TMEM182: variants seen among roughly 807,000 people sequenced by gnomAD.
The protein encoded by TMEM182 is transmembrane protein 182.
A neutral mutation model predicts 26.8 loss-of-function variants in TMEM182; 20 were observed. The ratio of observed to expected loss-of-function variants is 0.75; its 90% confidence interval spans 0.53 to 1.09. The LOEUF (loss-of-function observed/expected upper bound fraction) is 1.09, where lower values mean the gene tolerates loss of function less well. Among genes scored for constraint, TMEM182 ranks in the 50% least tolerant of loss-of-function variants. The probability of loss-of-function intolerance (pLI) is 0.00; values close to 1 mark genes in which losing one functional copy is unlikely to be tolerated. For missense variants in TMEM182, 277 were observed against 275.5 expected, an observed-to-expected ratio of 1.01 and a Z score of -0.04; for synonymous variants, 109 against 102.2, an observed-to-expected ratio of 1.07 and a Z score of -0.40.
chr2:102,749,518 C>G (rs979525062), intron 1 of TMEM182, among the ~76,000 whole-genome samples: 1 of 152,038 alleles, frequency 6.6e-6, no homozygotes, highest in Admixed American at 6.5e-5. Flanking sequence ...GTGATGGCCA[C>G]GAAACTCTGT....
At chr2:102,740,067 T>G (rs1679500123) in intron 1 of TMEM182, among the ~76,000 whole-genome samples, 3 of 152,192 alleles carry the variant, frequency 2.0e-5, no homozygotes, top group Non-Finnish European at 1.5e-5. Flanking sequence ...TCAAAATAAA[T>G]GAAATATAAC....
chr2:102,763,781 A>T (rs1425237698), intron 2 of TMEM182, among the ~76,000 whole-genome samples: 1 of 152,250 alleles, frequency 6.6e-6, no homozygotes, highest in East Asian at 1.9e-4. Context: ...TAAAGTGTAC[A>T]TATAAAAATT....
chr2:102,834,515 A>G (rs1573580834), intron 3 of TMEM182: 1 of 842,060 alleles, frequency 1.2e-6, no homozygotes, highest in Non-Finnish European at 1.4e-6. Flanking sequence ...TTCAACAGAT[A>G]TAGGTGAGCC....
intron 3 of TMEM182, among the ~76,000 whole-genome samples, chr2:102,828,749 T>G (rs905087020): frequency 1.3e-5 from 2 of 152,188 alleles, no homozygotes; most frequent in South Asian, 4.1e-4. Context: ...GTCGGCTAGA[T>G]GAATGACAGC....
upstream of TMEM182, among the ~76,000 whole-genome samples, chr2:102,761,260 TGTGA>T (rs1229920577): frequency 6.6e-6 from 1 of 151,266 alleles, no homozygotes; most frequent in Non-Finnish European, 1.5e-5. Flanking sequence ...AGGTGGTCTG[TGTGA>T]GTATTAAGTA....
intron 4 of TMEM182, 21 bp downstream of exon 4, chr2:102,798,021 A>G (rs376484401): frequency 7.6e-6 from 12 of 1,586,210 alleles, no homozygotes; most frequent in South Asian, 5.8e-5. Flanking sequence ...TGCAATGGGT[A>G]TGACTTTCAG....
At chr2:102,736,964 T>C in exon 1 of TMEM182, 2 of 857,938 alleles carry the variant, frequency 2.3e-6, no homozygotes, top group Non-Finnish European at 3.4e-6. Context: ...CGGTGCTGGC[T>C]GGGAGTTCTG....
chr2:102,762,398 C>G (rs2540298), intron 1 of TMEM182, 49 bp downstream of exon 1: 684,901 of 1,608,140 alleles, frequency 0.43, 148,314 homozygotes, highest in African/African-American at 0.64. Flanking sequence ...TATGAAGATA[C>G]CCTTATGTAT....
At chr2:102,773,794 G>T (rs916360090) in intron 3 of TMEM182, among the ~76,000 whole-genome samples, 1 of 152,098 alleles carries the variant, frequency 6.6e-6, no homozygotes, top group Non-Finnish European at 1.5e-5. Context: ...AGATGACTAG[G>T]ACCAGGATAT....
At chr2:102,793,606 C>T (rs1434517353) in intron 3 of TMEM182, among the ~76,000 whole-genome samples, 1 of 152,188 alleles carries the variant, frequency 6.6e-6, no homozygotes, top group Non-Finnish European at 1.5e-5. Context: ...TTGCATATAA[C>T]TTATGCACAT....
chr2:102,797,508 C>T (rs1573546120), intron 3 of TMEM182, among the ~76,000 whole-genome samples: 1 of 152,230 alleles, frequency 6.6e-6, no homozygotes, highest in East Asian at 1.9e-4. Flanking sequence ...TTCTAGGCTA[C>T]CCAACTGGGT....
Position 102,764,401 on chromosome 2 carries a change from A to T in TMEM182, c.305A>T (p.Asn102Ile). 1.2e-6 allele frequency: 2 copies of T among 1,613,534 alleles called. No homozygotes were observed. Among genetic ancestry groups the T allele is most frequent in the Non-Finnish European group, 1.7e-6 (2 of 1,179,820 alleles). Reference protein sequence around the residue: ...SPYPFMRGEHNSTSYDSAVIY... With the variant: ...SPYPFMRGEHISTSYDSAVIY... Reference sequence around the variant, plus strand: ...TACCCCTTCATGAGAGGCGAGCACAACTCGACCTCCTATGACTCTGCAGTT... The same window carrying T: ...TACCCCTTCATGAGAGGCGAGCACATCTCGACCTCCTATGACTCTGCAGTT... The change falls in exon 3 of 5, where the codon AAC (asparagine) becomes ATC (isoleucine). Residue 102 changes from asparagine (N) to isoleucine (I), a missense_variant. Asn to Ile is a moderately radical substitution (Grantham distance 149). Coordinates refer to ENST00000412401, the MANE Select transcript of TMEM182 (RefSeq NM_144632.5).
At chr2:102,828,301 A>C (rs962115961) in intron 3 of TMEM182, among the ~76,000 whole-genome samples, 1 of 152,156 alleles carries the variant, frequency 6.6e-6, no homozygotes, top group Admixed American at 6.5e-5. Flanking sequence ...TGTCAGAGCA[A>C]ACTGATAGAA....
downstream of TMEM182, chr2:102,817,822 C>A (rs1682806837): frequency 1.5e-6 from 1 of 657,872 alleles, no homozygotes; most frequent in Non-Finnish European, 1.9e-6. Context: ...TGGTATAAAT[C>A]AATATATTTG....
chr2:102,839,471 A>ATATATATATATATATAT (rs1553446276), intron 3 of TMEM182, among the ~76,000 whole-genome samples: 1 of 134,886 alleles, frequency 7.4e-6, no homozygotes, highest in African/African-American at 2.8e-5. Flanking sequence ...ATATATATAT[A>ATATATATATATATATAT]ATATATACAC....
At chr2:102,785,114 A>G (rs1258171763) in intron 3 of TMEM182, among the ~76,000 whole-genome samples, 1 of 152,166 alleles carries the variant, frequency 6.6e-6, no homozygotes, top group Non-Finnish European at 1.5e-5. Context: ...AAATGAGCAC[A>G]TCATAAAAGG....
intron 3 of TMEM182, among the ~76,000 whole-genome samples, chr2:102,795,389 G>A (rs1383922691): frequency 6.6e-6 from 1 of 152,104 alleles, no homozygotes; most frequent in Non-Finnish European, 1.5e-5. Flanking sequence ...TAAATTCAGT[G>A]GAGAATTCAC....
At chr2:102,804,168 A>G (rs1682261152) in intron 4 of TMEM182, among the ~76,000 whole-genome samples, 1 of 151,724 alleles carries the variant, frequency 6.6e-6, no homozygotes, top group Admixed American at 6.6e-5. Flanking sequence ...TTTTTAAAAC[A>G]ATTTTTCCAT....
chr2:102,766,978 C>T (rs913186652), intron 3 of TMEM182, among the ~76,000 whole-genome samples: 1 of 152,174 alleles, frequency 6.6e-6, no homozygotes. Flanking sequence ...GACTGGGAAT[C>T]AGAGAAATCA....
Sources: gnomAD v4.1 joint callset for allele counts (sites outside exome capture counted in the v4.1 genomes callset) on GRCh38, gnomAD v4.1.1 for gene constraint, MANE v1.5 for transcripts, NCBI Gene and HGNC (gene_info 2026-07-23, HGNC 2026-07-21) for gene names.